The following EYS variants were observed in gnomAD, a reference collection of about 807,000 sequenced individuals.
EYS encodes EGF-like photoreceptor maintenance factor.
Under a neutral mutation model 282.1 loss-of-function variants are expected in EYS, and 250 were observed. The observed-to-expected ratio is 0.89, with a 90% confidence interval of 0.80 to 0.98. EYS has a LOEUF of 0.98. EYS is among the 50% of genes least tolerant of loss of function. The probability of loss-of-function intolerance (pLI) is 0.00; values close to 1 mark genes in which losing one functional copy is unlikely to be tolerated. For missense variants in EYS, 4,016 were observed against 3,709.0 expected (o/e 1.08, Z -2.15); for synonymous variants, 1,355 against 1,282.9 (o/e 1.06, Z -1.20).
At chr6:64,393,137 C>CAAT (rs1336307510) in intron 28 of EYS, among the ~76,000 whole-genome samples, 1 of 152,044 alleles carries the variant, frequency 6.6e-6, no homozygotes, top group African/African-American at 2.4e-5. Flanking sequence ...TGGCAATAAT[C>CAAT]AATAGCTTAC....
At chr6:64,416,467 T>A (rs750325801) in intron 28 of EYS, among the ~76,000 whole-genome samples, 4 of 151,800 alleles carry the variant, frequency 2.6e-5, no homozygotes, top group Non-Finnish European at 4.4e-5. Context: ...TTTTAGTGTA[T>A]GTGAATGCAT....
At chr6:64,852,668 G>A (rs1321136023) in intron 19 of EYS, among the ~76,000 whole-genome samples, 2 of 152,116 alleles carry the variant, frequency 1.3e-5, no homozygotes, top group Admixed American at 6.6e-5. Context: ...TCCATTGACT[G>A]ATGTCTTTAT....
At chr6:65,441,044 A>T (rs17690001) in intron 5 of EYS, among the ~76,000 whole-genome samples, 27,522 of 149,036 alleles carry the variant, frequency 0.18, 3,197 homozygotes, top group Middle Eastern at 0.31. Flanking sequence ...TATATGCTTC[A>T]GAAAAATAAT....
chr6:65,107,737 A>G (rs937173201), intron 12 of EYS, among the ~76,000 whole-genome samples: 2 of 151,888 alleles, frequency 1.3e-5, no homozygotes, highest in African/African-American at 4.8e-5. Flanking sequence ...CTGCCTTTTA[A>G]TCAGGCTGTC....
chr6:65,191,226 T>A (rs1418040924), intron 12 of EYS, among the ~76,000 whole-genome samples: 1 of 151,858 alleles, frequency 6.6e-6, no homozygotes, highest in East Asian at 1.9e-4. Flanking sequence ...ATTAGAATGA[T>A]TATGTGAGGA....
intron 12 of EYS, among the ~76,000 whole-genome samples, chr6:65,293,303 A>G (rs1002893755): frequency 7.2e-5 from 11 of 151,814 alleles, no homozygotes; most frequent in Non-Finnish European, 1.2e-4. Flanking sequence ...CTAAAATATT[A>G]TAGATATAAA....
chr6:65,553,418 T>C (rs1193229736), intron 2 of EYS, among the ~76,000 whole-genome samples: 1 of 152,146 alleles, frequency 6.6e-6, no homozygotes, highest in Admixed American at 6.5e-5. Context: ...AACAGGAAGC[T>C]ATGTCCAGCA....
chr6:64,929,059 A>G (rs1768614693), intron 15 of EYS, among the ~76,000 whole-genome samples: 1 of 152,154 alleles, frequency 6.6e-6, no homozygotes, highest in African/African-American at 2.4e-5. Context: ...GGATCTCAAA[A>G]TGTGGCCTTT....
At chr6:64,893,979 T>C (rs926395356) in intron 18 of EYS, among the ~76,000 whole-genome samples, 3 of 152,082 alleles carry the variant, frequency 2.0e-5, no homozygotes, top group Admixed American at 6.6e-5. Context: ...AGGAGAAAAT[T>C]ACTACTCTTA....
At chr6:64,288,352 C>T (rs1246971517) in intron 30 of EYS, among the ~76,000 whole-genome samples, 2 of 152,098 alleles carry the variant, frequency 1.3e-5, no homozygotes, top group Non-Finnish European at 2.9e-5. Flanking sequence ...CTTATTCCCA[C>T]AAAAGTTCAA....
chr6:65,233,760 C>G (rs75057635), intron 12 of EYS, among the ~76,000 whole-genome samples: 6,468 of 152,270 alleles, frequency 0.042, 189 homozygotes, highest in Middle Eastern at 0.065. Flanking sequence ...GTAGCTACCT[C>G]CATGTCAGAA....
At chr6:64,985,685 TGA>T (rs1485801320) in intron 14 of EYS, among the ~76,000 whole-genome samples, 3 of 151,604 alleles carry the variant, frequency 2.0e-5, no homozygotes, top group Non-Finnish European at 4.4e-5. Flanking sequence ...GGACACAATA[TGA>T]GTTTCAGAGA....
At chr6:64,946,752 C>T (rs1769298235) in intron 14 of EYS, among the ~76,000 whole-genome samples, 1 of 151,694 alleles carries the variant, frequency 6.6e-6, no homozygotes, top group African/African-American at 2.4e-5. Flanking sequence ...ATATAAAATA[C>T]ATATTGAATG....
intron 29 of EYS, among the ~76,000 whole-genome samples, chr6:64,341,925 G>A (rs1361348059): frequency 6.6e-6 from 1 of 151,590 alleles, no homozygotes; most frequent in African/African-American, 2.4e-5. Context: ...TTTAATAATG[G>A]AGGAACATAT....
At chr6:63,997,463 G>A (rs1216185778) in intron 34 of EYS, among the ~76,000 whole-genome samples, 1 of 152,184 alleles carries the variant, frequency 6.6e-6, no homozygotes, top group African/African-American at 2.4e-5. Flanking sequence ...AGGAGCACTT[G>A]AATTGGGCTG....
intron 35 of EYS, among the ~76,000 whole-genome samples, chr6:63,963,496 G>A (rs1766172121): frequency 6.6e-6 from 1 of 152,170 alleles, no homozygotes; most frequent in African/African-American, 2.4e-5. Context: ...GTGGTATGTG[G>A]CTTCAAGAAA....
intron 12 of EYS, among the ~76,000 whole-genome samples, chr6:65,241,377 T>C (rs1315263278): frequency 6.6e-6 from 1 of 152,108 alleles, no homozygotes; most frequent in Non-Finnish European, 1.5e-5. Context: ...GTGTTAAGTA[T>C]AGGCTTTTAT....
At chr6:65,587,306 C>T (rs1006526278) in intron 2 of EYS, among the ~76,000 whole-genome samples, 3 of 151,998 alleles carry the variant, frequency 2.0e-5, no homozygotes, top group South Asian at 2.1e-4. Context: ...TCAGTTGTGT[C>T]CCCACCCAAA....
intron 22 of EYS, among the ~76,000 whole-genome samples, chr6:64,692,744 G>A (rs900447685): frequency 3.9e-5 from 6 of 152,100 alleles, no homozygotes; most frequent in Admixed American, 1.3e-4. Flanking sequence ...TATTGAATAA[G>A]GAGCCCTTTC....
Sources: allele counts gnomAD v4.1 joint callset (sites outside exome capture counted in the v4.1 genomes callset), GRCh38; gene constraint gnomAD v4.1.1; transcripts MANE v1.5; gene names NCBI Gene and HGNC (gene_info 2026-07-23, HGNC 2026-07-21).